The following DMD variants were observed in gnomAD, a reference collection of about 807,000 sequenced individuals.
DMD encodes the protein dystrophin.
In DMD, 63 loss-of-function variants were observed where a neutral mutation model predicts 330.1. That is an observed-to-expected ratio of 0.19 (90% CI 0.16 to 0.24). The LOEUF (loss-of-function observed/expected upper bound fraction) is 0.24, where lower values mean the gene tolerates loss of function less well. Ranked by LOEUF, DMD falls within the 10% of genes least tolerant of loss-of-function variation. The probability of loss-of-function intolerance (pLI) is 1.00; values close to 1 mark genes in which losing one functional copy is unlikely to be tolerated. For synonymous variants in DMD, 1,223 were observed against 959.8 expected (o/e 1.27, Z -5.07); for missense variants, 3,344 against 2,684.1 (o/e 1.25, Z -5.43).
intron 13 of DMD, among the ~76,000 whole-genome samples, chrX:32,591,387 T>A (rs1425344881): frequency 2.7e-5 from 3 of 111,953 alleles, no homozygotes; most frequent in Non-Finnish European, 5.6e-5. Context: ...TGGAAGACAT[T>A]TTCATTAGAG....
At chrX:32,846,747 A>AAG (rs572173304) in intron 3 of DMD, among the ~76,000 whole-genome samples, 19 of 74,175 alleles carry the variant, frequency 2.6e-4, no homozygotes, top group African/African-American at 8.0e-4. Context: ...AAAAAAAAAA[A>AAG]GCAACAGCCA....
intron 11 of DMD, among the ~76,000 whole-genome samples, chrX:32,639,341 C>G (rs2059301060): frequency 9.0e-6 from 1 of 110,991 alleles, no homozygotes; most frequent in Non-Finnish European, 1.9e-5. Flanking sequence ...TTCCGAATTC[C>G]TTACCTCCTA....
intron 48 of DMD, among the ~76,000 whole-genome samples, chrX:31,860,028 C>G (rs1247167365): frequency 1.8e-5 from 2 of 110,928 alleles, no homozygotes; most frequent in East Asian, 5.6e-4. Flanking sequence ...GGAAGTGTTC[C>G]CATTTTTCTC....
intron 49 of DMD, among the ~76,000 whole-genome samples, chrX:31,829,307 A>G (rs1378127901): frequency 9.0e-6 from 1 of 110,737 alleles, no homozygotes; most frequent in Non-Finnish European, 1.9e-5. Flanking sequence ...TACATAAAAA[A>G]TTTCAGAATT....
chrX:32,083,741 A>G (rs898435957), intron 44 of DMD, among the ~76,000 whole-genome samples: 3 of 112,627 alleles, frequency 2.7e-5, no homozygotes, highest in Admixed American at 9.4e-5. Flanking sequence ...AATCTGTTCC[A>G]GTACTTGGGA....
At chrX:32,863,676 C>T (rs1222072598) in intron 2 of DMD, among the ~76,000 whole-genome samples, 1 of 110,224 alleles carries the variant, frequency 9.1e-6, no homozygotes, top group Non-Finnish European at 1.9e-5. Flanking sequence ...GATATTTAGG[C>T]TTCAGATCTA....
chrX:32,611,737 G>A (rs758903275), intron 12 of DMD, among the ~76,000 whole-genome samples: 3 of 111,372 alleles, frequency 2.7e-5, no homozygotes, highest in Non-Finnish European at 5.7e-5. Context: ...CCTGGATTTC[G>A]CTTTACACTC....
At chrX:31,715,430 C>G (rs750196705) in intron 52 of DMD, among the ~76,000 whole-genome samples, 42 of 103,440 alleles carry the variant, frequency 4.1e-4, no homozygotes, top group African/African-American at 1.3e-3. Flanking sequence ...GTAGTCCCAG[C>G]TACACGGGAG....
chrX:31,182,433 G>T (rs948941918), intron 68 of DMD, among the ~76,000 whole-genome samples: 3 of 111,865 alleles, frequency 2.7e-5, no homozygotes, highest in African/African-American at 9.8e-5. Flanking sequence ...GGAAGGAGGA[G>T]GTACAGTTCA....
intron 41 of DMD, among the ~76,000 whole-genome samples, chrX:32,316,861 A>G (rs1373779212): frequency 9.0e-6 from 1 of 111,253 alleles, no homozygotes; most frequent in Non-Finnish European, 1.9e-5. Flanking sequence ...ATGCGAATCT[A>G]TAATGAGAAA....
At chrX:31,125,555 G>A (rs2033526115) in intron 78 of DMD, among the ~76,000 whole-genome samples, 1 of 112,088 alleles carries the variant, frequency 8.9e-6, no homozygotes, top group Non-Finnish European at 1.9e-5. Flanking sequence ...CCAGAACACT[G>A]TCATCCCATG....
At chrX:32,573,693 A>AAT in intron 14 of DMD, 52 bp downstream of exon 14, 1 of 1,191,756 alleles carries the variant, frequency 8.4e-7, no homozygotes. Flanking sequence ...TTACTTTTCC[A>AAT]ATTTAATATC....
chrX:31,705,352 T>C (rs765534028), intron 52 of DMD, among the ~76,000 whole-genome samples: 28 of 113,137 alleles, frequency 2.5e-4, no homozygotes, highest in African/African-American at 8.0e-4. Flanking sequence ...ATCTGGTACA[T>C]GGCAGGTGCT....
chrX:33,137,209 GATAA>G (rs1676128816), intron 1 of DMD, among the ~76,000 whole-genome samples: 1 of 111,174 alleles, frequency 9.0e-6, no homozygotes, highest in African/African-American at 3.3e-5. Context: ...GGTGTAGCAA[GATAA>G]ATAAAACACA....
chrX:31,826,937 A>G (rs946135151), intron 49 of DMD, among the ~76,000 whole-genome samples: 3 of 111,948 alleles, frequency 2.7e-5, no homozygotes, highest in African/African-American at 9.7e-5. Context: ...AAATGGAAAA[A>G]TCAGATTTAT....
chrX:32,737,165 A>AT (rs1254207078), intron 7 of DMD, among the ~76,000 whole-genome samples: 17 of 107,838 alleles, frequency 1.6e-4, no homozygotes, highest in African/African-American at 3.0e-4. Flanking sequence ...AATCTATATA[A>AT]TTTTTTTTTT....
intron 60 of DMD, among the ~76,000 whole-genome samples, chrX:31,409,431 A>G (rs982646850): frequency 1.8e-5 from 2 of 111,976 alleles, no homozygotes; most frequent in Non-Finnish European, 3.8e-5. Context: ...CCCCTCCTTT[A>G]CTACAATGGG....
At chrX:33,168,323 T>C (rs778777413) in intron 1 of DMD, among the ~76,000 whole-genome samples, 7 of 110,533 alleles carry the variant, frequency 6.3e-5, no homozygotes, top group Non-Finnish European at 1.1e-4. Context: ...AGAAAGAACG[T>C]TGGGATCCTA....
chrX:32,354,175 T>C (rs908123006), intron 37 of DMD, among the ~76,000 whole-genome samples: 42 of 111,761 alleles, frequency 3.8e-4, no homozygotes, highest in African/African-American at 1.4e-3. Context: ...ATCTGGACTA[T>C]GGAATCTTAA....
Sources: allele counts gnomAD v4.1 joint callset (sites outside exome capture counted in the v4.1 genomes callset), GRCh38; gene constraint gnomAD v4.1.1; transcripts MANE v1.5; gene names NCBI Gene and HGNC (gene_info 2026-07-23, HGNC 2026-07-21).